MARCHF7: variants seen among roughly 807,000 people sequenced by gnomAD.
MARCHF7 encodes E3 ubiquitin-protein ligase MARCHF7.
A neutral mutation model predicts 76.5 loss-of-function variants in MARCHF7; 20 were observed. The observed-to-expected ratio is 0.26, with a 90% CI of 0.18 to 0.38. The LOEUF (loss-of-function observed/expected upper bound fraction) is 0.38. Ranked by LOEUF, MARCHF7 falls within the 10% of genes least tolerant of loss-of-function variation. MARCHF7 has a pLI of 1.00. For synonymous variants in MARCHF7, 295 were observed against 293.0 expected (o/e 1.01, Z -0.07); for missense variants, 797 against 812.9 (o/e 0.98, Z 0.24).
chr2:159,720,000 C>T (rs1404400544), intron 3 of MARCHF7, among the ~76,000 whole-genome samples: 1 of 152,052 alleles, frequency 6.6e-6, no homozygotes, highest in African/African-American at 2.4e-5. Context: ...TAGTATGAGG[C>T]CAAGAATGTT....
chr2:159,761,489 A>G (rs1707096719), intron 9 of MARCHF7, among the ~76,000 whole-genome samples: 1 of 131,962 alleles, frequency 7.6e-6, no homozygotes, highest in South Asian at 2.4e-4. Flanking sequence ...ATCTCGGCCA[A>G]CTGCAACCTC....
At chr2:159,753,053 C>G (rs1409452260) in intron 8 of MARCHF7, among the ~76,000 whole-genome samples, 2 of 152,126 alleles carry the variant, frequency 1.3e-5, no homozygotes, top group African/African-American at 4.8e-5. Context: ...AGACAAGGCA[C>G]CTGCTTCTTG....
chr2:159,753,347 G>A (rs13010201), intron 8 of MARCHF7, among the ~76,000 whole-genome samples: 2 of 151,912 alleles, frequency 1.3e-5, no homozygotes, highest in Non-Finnish European at 2.9e-5. Context: ...CGAGACGGGC[G>A]GATCACGAGG....
At chr2:159,749,390 C>T (rs1207737813) in intron 7 of MARCHF7, among the ~76,000 whole-genome samples, 1 of 151,820 alleles carries the variant, frequency 6.6e-6, no homozygotes, top group African/African-American at 2.4e-5. Context: ...CTCTGTTGCC[C>T]AGGTTGGAGT....
chr2:159,758,437 C>T (rs774728378), intron 8 of MARCHF7, among the ~76,000 whole-genome samples: 1 of 152,116 alleles, frequency 6.6e-6, no homozygotes, highest in African/African-American at 2.4e-5. Context: ...CTCCTATTTC[C>T]AAAATTGTTT....
At chr2:159,762,722 T>G (rs7569562) in intron 9 of MARCHF7, among the ~76,000 whole-genome samples, 158 bp from the exon 10 acceptor site, 140,938 of 152,288 alleles carry the variant, frequency 0.93, 65,393 homozygotes, top group African/African-American at 0.96. Context: ...TATAAAGATA[T>G]TCTTTTTTTC....
chr2:159,722,304 A>C (rs1701723783), intron 3 of MARCHF7, among the ~76,000 whole-genome samples: 1 of 151,892 alleles, frequency 6.6e-6, no homozygotes, highest in Admixed American at 6.6e-5. Context: ...CACCTGGCTA[A>C]TTTTTGTATT....
chr2:159,747,655 G>GT (rs1173191942), intron 6 of MARCHF7, 150 bp from the exon 7 acceptor site: 2 of 664,900 alleles, frequency 3.0e-6, no homozygotes, highest in Non-Finnish European at 4.6e-6. Flanking sequence ...ATACATTTAT[G>GT]TTTTTTCTAT....
At chr2:159,729,304 A>G (rs1045359934) in intron 4 of MARCHF7, 129 bp downstream of exon 4, 6 of 547,190 alleles carry the variant, frequency 1.1e-5, no homozygotes, top group East Asian at 3.4e-5. Flanking sequence ...ATATATATGT[A>G]GCAAAATGAA....
intron 1 of MARCHF7, among the ~76,000 whole-genome samples, chr2:159,713,177 G>A (rs1700469006): frequency 6.6e-6 from 1 of 152,226 alleles, no homozygotes; most frequent in Non-Finnish European, 1.5e-5. Flanking sequence ...CGCCCTGAGA[G>A]TTATTTTTGT....
chr2:159,713,709 T>A (rs796441696), intron 1 of MARCHF7, among the ~76,000 whole-genome samples: 2 of 152,208 alleles, frequency 1.3e-5, no homozygotes, highest in Non-Finnish European at 1.5e-5. Flanking sequence ...AATATTTTTA[T>A]TTAACAGCTC....
intron 2 of MARCHF7, among the ~76,000 whole-genome samples, chr2:159,715,358 TG>T (rs375225318): frequency 4.0e-5 from 6 of 150,636 alleles, no homozygotes; most frequent in Non-Finnish European, 5.9e-5. Flanking sequence ...AGAGTTTAGG[TG>T]GGGGGGGTAA....
At chr2:159,721,688 T>A (rs1018183570) in intron 3 of MARCHF7, among the ~76,000 whole-genome samples, 1 of 152,206 alleles carries the variant, frequency 6.6e-6, no homozygotes, top group Non-Finnish European at 1.5e-5. Flanking sequence ...TGTAGCCTCT[T>A]GTCAGTGCCT....
At chr2:159,766,192 C>T (rs1707741309) in intron 11 of MARCHF7, among the ~76,000 whole-genome samples, 1 of 152,070 alleles carries the variant, frequency 6.6e-6, no homozygotes, top group Non-Finnish European at 1.5e-5. Flanking sequence ...ATTATCCTCT[C>T]CTGTGGAGTG....
At chr2:159,720,551 A>C (rs1294569695) in intron 3 of MARCHF7, among the ~76,000 whole-genome samples, 2 of 151,964 alleles carry the variant, frequency 1.3e-5, no homozygotes, top group Non-Finnish European at 2.9e-5. Flanking sequence ...TGTTTTTGCT[A>C]CCCTATTTTT....
intron 3 of MARCHF7, among the ~76,000 whole-genome samples, chr2:159,726,531 G>C (rs1702197253): frequency 6.6e-6 from 1 of 151,992 alleles, no homozygotes; most frequent in African/African-American, 2.4e-5. Flanking sequence ...CAAAGTGCTG[G>C]GATTACAGGC....
chr2:159,767,468 C>T lies in MARCHF7; in HGVS notation c.*126C>T, dbSNP rs919495163. 3 of 622,042 alleles carry T rather than the reference C, an allele frequency of 4.8e-6. No homozygotes were observed. The highest frequency in any genetic ancestry group is 2.9e-5 in the East Asian group (1 of 34,212). 38.5% of individuals were successfully genotyped at this position (622,042 alleles called of 1,614,324 possible). ...TGACTATATATAAAATGAATATATA[C>T]ATACACATGTATGCCTGTATATATA... is the stretch of plus-strand genomic sequence containing the variant. On this transcript the variant is annotated 3_prime_UTR_variant, in exon 12 of 12. Coordinates refer to ENST00000409175, the MANE Select transcript of MARCHF7 (RefSeq NM_001282805.2).
chr2:159,752,466 G>A lies in MARCHF7; in HGVS notation c.1678G>A (p.Ala560Thr), dbSNP rs1705772578. The A allele has an allele frequency of 6.2e-7, 1 of 1,606,158 alleles. No homozygotes were observed. The highest frequency in any genetic ancestry group is 8.5e-7 in the Non-Finnish European group (1 of 1,176,908). ...ATGTAGAATTTGTCAAATGGCAGCT[G>A]CATCATCATCTAATTTGCTGATAGA... Reference protein sequence around the residue: ...DLCRICQMAAASSSNLLIEPC... With the variant: ...DLCRICQMAATSSSNLLIEPC... Residue 560 changes from alanine to threonine, a missense_variant, in exon 8 of 12, where the codon GCA (alanine) becomes ACA (threonine). Physicochemically the swap from Ala to Thr is moderately conservative, Grantham distance 58. This residue lies in a region of MARCHF7 where 30 missense variants were observed against 60.1 expected (regional missense o/e 0.50). Coordinates refer to ENST00000409175, the MANE Select transcript of MARCHF7 (RefSeq NM_001282805.2).
chr2:159,738,767 C>T (rs537567491), intron 4 of MARCHF7, among the ~76,000 whole-genome samples: 8 of 152,320 alleles, frequency 5.3e-5, no homozygotes, highest in South Asian at 4.1e-4. Flanking sequence ...CACTCCGGTC[C>T]GTGGAACTGG....
Sources: gnomAD v4.1 joint callset for allele counts (sites outside exome capture counted in the v4.1 genomes callset) on GRCh38, gnomAD v4.1.1 for gene constraint, gnomAD v4.1.1 regional missense constraint, MANE v1.5 for transcripts, NCBI Gene and HGNC (gene_info 2026-07-23, HGNC 2026-07-21) for gene names.